CACNA1H: variants seen among roughly 807,000 people sequenced by gnomAD.
CACNA1H encodes the protein voltage-dependent T-type calcium channel subunit alpha-1H.
Under a neutral mutation model 192.5 loss-of-function variants are expected in CACNA1H, and 149 were observed. The ratio of observed to expected loss-of-function variants is 0.77; its 90% CI spans 0.68 to 0.89. The LOEUF is 0.89. Ranked by LOEUF, CACNA1H falls within the 40% of genes least tolerant of loss-of-function variation. The pLI is 0.00. For missense variants in CACNA1H, 4,257 were observed against 3,423.5 expected (o/e 1.24, Z -6.08); for synonymous variants, 2,202 against 1,475.2 (o/e 1.49, Z -11.29).
Position 1,209,959 on chromosome 16 carries a change from G to T in CACNA1H, c.3745-76G>T, listed in dbSNP as rs528508911. Reference sequence around the variant, plus strand: ...AGAAGGTGCTGGGAGGGGTGGCCGAGCTGAGCACAGAGGGCCCTGATGGGG... The same window carrying T: ...AGAAGGTGCTGGGAGGGGTGGCCGATCTGAGCACAGAGGGCCCTGATGGGG... On this transcript the variant is annotated intron_variant, in intron 17 of 34. Transcript: ENST00000348261. 1.1e-4 allele frequency: 123 copies of T among 1,113,360 alleles called. 1 individual carries two copies. In the African/African-American group the frequency reaches 1.8e-3, roughly 17 times the overall value. The allele number at this position is 1,113,360 out of a possible 1,614,324, so 69.0% of individuals were successfully genotyped here. A position where few individuals can be genotyped will look rare whatever the true frequency, so the allele number is the denominator to read the frequency against.
At chr16:1,187,162 T>G (rs1354739803) in intron 2 of CACNA1H, among the ~76,000 whole-genome samples, 3 of 152,176 alleles carry the variant, frequency 2.0e-5, no homozygotes, top group African/African-American at 7.2e-5. Context: ...TTGAGCAAAT[T>G]GGAAAAGTAA....
chr16:1,204,300 C>G lies in CACNA1H; in HGVS notation c.2293C>G (p.Gln765Glu). The change falls in exon 10 of 35, where the codon CAG becomes GAG. Residue 765 changes from glutamine (Q) to glutamate (E), a missense_variant. Coordinates refer to ENST00000348261, the MANE Select transcript of CACNA1H (RefSeq NM_021098.3). ...GPGSPQRRAQ[Q>E]RAAPGEPGWM... is the part of the protein sequence containing the mutation. Reference sequence around the variant, plus strand: ...AGGCAGCCCCCAGCGGCGGGCACAGCAGAGGGCAGCCCCGGGCGAGCCAGG... The same window carrying G: ...AGGCAGCCCCCAGCGGCGGGCACAGGAGAGGGCAGCCCCGGGCGAGCCAGG... The G allele has an allele frequency of 6.2e-7, 1 of 1,603,362 alleles. No homozygotes were observed. The highest frequency in any genetic ancestry group is 8.5e-7 in the Non-Finnish European group (1 of 1,174,822).
intron 2 of CACNA1H, among the ~76,000 whole-genome samples, chr16:1,190,494 C>T (rs1350299231): frequency 6.6e-6 from 1 of 152,146 alleles, no homozygotes; most frequent in African/African-American, 2.4e-5. Context: ...CTGACTGCTC[C>T]CCTCTCTAGG....
chr16:1,182,636 C>T (rs932115798), intron 2 of CACNA1H, among the ~76,000 whole-genome samples: 2 of 152,170 alleles, frequency 1.3e-5, no homozygotes, highest in African/African-American at 4.8e-5. Context: ...GGGGCTCCCA[C>T]ATCGGGGGCC....
At chr16:1,166,542 C>T (rs765372511) in intron 2 of CACNA1H, among the ~76,000 whole-genome samples, 2 of 152,198 alleles carry the variant, frequency 1.3e-5, no homozygotes, top group African/African-American at 2.4e-5. Context: ...TGTATCCTCG[C>T]GGTGGTGCAG....
At chr16:1,191,302 C>T (rs1395611359) in intron 2 of CACNA1H, among the ~76,000 whole-genome samples, 9 of 115,304 alleles carry the variant, frequency 7.8e-5, no homozygotes, top group Non-Finnish European at 1.4e-4. Flanking sequence ...GTCTCTCTTA[C>T]TCAGCAGGCT....
At chr16:1,183,504 C>T (rs775825791) in intron 2 of CACNA1H, among the ~76,000 whole-genome samples, 3 of 152,236 alleles carry the variant, frequency 2.0e-5, no homozygotes, top group East Asian at 1.9e-4. Flanking sequence ...AGCGCATCCC[C>T]GGCAACCCTG....
At position 1,210,931 on chromosome 16, in the gene CACNA1H, C is replaced by G; in HGVS notation, c.4183C>G (p.Leu1395Val). The change falls in exon 21 of 35, where the codon CTG becomes GTG. Residue 1395 changes from leucine (L) to valine (V), a missense_variant. Physicochemically the swap from Leu to Val is conservative, Grantham distance 32. Transcript: ENST00000348261. ...SAGGAKILGV[L>V]RVLRLLRTLR... The stretch of plus-strand genomic sequence containing the variant: ...TGGTGGCGCCAAGATCCTGGGTGTT[C>G]TGCGCGTGCTGCGTCTGCTGCGGAC... 1.2e-6 allele frequency: 2 copies of G among 1,601,300 alleles called. No individual in the cohort carries two copies. Among genetic ancestry groups the G allele is most frequent in the Non-Finnish European group, 1.7e-6 (2 of 1,179,580 alleles).
intron 2 of CACNA1H, among the ~76,000 whole-genome samples, chr16:1,160,351 A>G (rs113325394): frequency 5.3e-5 from 8 of 152,274 alleles, no homozygotes; most frequent in African/African-American, 1.9e-4. Flanking sequence ...TTAAGGAGCG[A>G]CCACTCACCC....
chr16:1,207,243 G>A (rs1379981182), intron 13 of CACNA1H, 32 bp from the exon 14 acceptor site: 2 of 1,580,310 alleles, frequency 1.3e-6, no homozygotes, highest in Non-Finnish European at 1.7e-6. Flanking sequence ...CGGGGCTGGG[G>A]TGACCACCCC....
chr16:1,210,096 G>T lies in CACNA1H; in HGVS notation c.3806G>T (p.Arg1269Leu), dbSNP rs749122105. ...TACAAGCCCCAGTGGTGCCGGAGCC[G>T]CGAGGCCTGGGCCCTCTACCTCTTC... is the stretch of plus-strand genomic sequence containing the variant. ...EPYKPQWCRS[R>L]EAWALYLFSP... The change falls in exon 18 of 35, where the codon CGC (arginine) becomes CTC (leucine). Residue 1269 changes from arginine to leucine, a missense_variant. By Grantham distance (102) the Arg-to-Leu change is moderately radical (BLOSUM62 -2). Transcript: ENST00000348261. 2 of 1,559,930 alleles carry T rather than the reference G, an allele frequency of 1.3e-6. No homozygotes were observed. Among genetic ancestry groups the T allele is most frequent in the Non-Finnish European group, 8.7e-7 (1 of 1,152,734 alleles).
intron 20 of CACNA1H, 41 bp from the exon 21 acceptor site, chr16:1,210,746 C>G: frequency 6.3e-7 from 1 of 1,592,596 alleles, no homozygotes; most frequent in Non-Finnish European, 8.5e-7. Flanking sequence ...CCCAGACCCC[C>G]CACGCCTGAG....
rs978975067 is a variant in CACNA1H at position 1,202,568 on chromosome 16, C to G, written c.2002+116C>G. ...GGCACTCTGATGAGCCCAGCTTTGA[C>G]TTGTGAAACAGACCAGCTATGCCTC... On this transcript the variant is annotated intron_variant, in intron 9 of 34. Coordinates refer to ENST00000348261, the MANE Select transcript of CACNA1H (RefSeq NM_021098.3). 1.2e-5 allele frequency: 11 copies of G among 932,814 alleles called. No homozygotes were observed. The African/African-American group carries it at 1.8e-4, about 16-fold the overall frequency. The allele number at this position is 932,814 out of a possible 1,614,324, so 57.8% of individuals were successfully genotyped here. A position where few individuals can be genotyped will look rare whatever the true frequency, so the allele number is the denominator to read the frequency against.
chr16:1,153,522 C>T (rs1961846500), intron 1 of CACNA1H, 52 bp downstream of exon 1: 1 of 257,826 alleles, frequency 3.9e-6, no homozygotes, highest in Non-Finnish European at 6.5e-6. Context: ...TTGCGCGAAG[C>T]GGGCCGGGGA....
intron 34 of CACNA1H, 33 bp from the exon 35 acceptor site, chr16:1,219,948 C>T (rs1338577935): frequency 1.6e-6 from 2 of 1,272,590 alleles, no homozygotes; most frequent in Non-Finnish European, 2.0e-6. Flanking sequence ...CTCCCAGGGC[C>T]CCGCCCCTCA....
Position 1,218,237 on chromosome 16 carries a change from G to T in CACNA1H, c.5473G>T (p.Asp1825Tyr). The change falls in exon 33 of 35, where the codon GAC becomes TAC. Residue 1825 changes from aspartate (D) to tyrosine (Y), a missense_variant. Coordinates refer to ENST00000348261, the MANE Select transcript of CACNA1H (RefSeq NM_021098.3). ...CACGCTGCGCGAGTGCTCCCGTGAG[G>T]ACAAGCACTGCCTGAGCTACCTGCC... ...KDTLRECSRE[D>Y]KHCLSYLPAL... 1 of 1,550,340 alleles carries T rather than the reference G, an allele frequency of 6.5e-7. No individual in the cohort carries two copies. Among genetic ancestry groups the T allele is most frequent in the Non-Finnish European group, 8.7e-7 (1 of 1,147,064 alleles).
At chr16:1,172,306 T>C (rs1367246220) in intron 2 of CACNA1H, among the ~76,000 whole-genome samples, 3 of 151,922 alleles carry the variant, frequency 2.0e-5, no homozygotes, top group Non-Finnish European at 2.9e-5. Context: ...GCCTGTTGAG[T>C]AGAAAGGAGC....
chr16:1,206,378 G>C (rs1968710793), intron 12 of CACNA1H, 89 bp downstream of exon 12: 2 of 1,274,630 alleles, frequency 1.6e-6, no homozygotes, highest in South Asian at 2.8e-5. Flanking sequence ...GAAGGAGAAG[G>C]AGCCCTCCCA....
At chr16:1,162,851 A>C (rs1486738650) in intron 2 of CACNA1H, among the ~76,000 whole-genome samples, 2 of 152,208 alleles carry the variant, frequency 1.3e-5, no homozygotes, top group Admixed American at 6.5e-5. Flanking sequence ...GGATAGTCCC[A>C]GGTGGCTGGA....
Sources: allele counts gnomAD v4.1 joint callset (sites outside exome capture counted in the v4.1 genomes callset), GRCh38; gene constraint gnomAD v4.1.1; transcripts MANE v1.5; gene names NCBI Gene and HGNC (gene_info 2026-07-23, HGNC 2026-07-21).